PHC2: variants seen among roughly 807,000 people sequenced by gnomAD.
The protein encoded by PHC2 is polyhomeotic-like protein 2.
A neutral mutation model predicts 87.4 loss-of-function variants in PHC2; 29 were observed. The observed-to-expected ratio is 0.33, with a 90% confidence interval of 0.25 to 0.45. PHC2 has a LOEUF of 0.45. Ranked by LOEUF, PHC2 falls within the 20% of genes least tolerant of loss-of-function variation. The probability of loss-of-function intolerance (pLI) is 1.00; values close to 1 mark genes in which losing one functional copy is unlikely to be tolerated. For missense variants in PHC2, 857 were observed against 1,136.7 expected (o/e 0.75, Z 3.54); for synonymous variants, 438 against 461.7 (o/e 0.95, Z 0.66).
intron 1 of PHC2, among the ~76,000 whole-genome samples, chr1:33,388,319 T>TA (rs1648862990): frequency 2.3e-5 from 2 of 86,850 alleles, no homozygotes; most frequent in African/African-American, 6.5e-5. Context: ...ATGACAGCAA[T>TA]TTTTTTTTTT....
intron 1 of PHC2, among the ~76,000 whole-genome samples, chr1:33,377,357 C>A (rs960359480): frequency 2.0e-5 from 3 of 152,152 alleles, no homozygotes; most frequent in African/African-American, 7.2e-5. Flanking sequence ...GCAGAACCTT[C>A]TGGAATCTCC....
intron 4 of PHC2, 123 bp downstream of exon 4, chr1:33,370,894 T>A (rs1647785922): frequency 7.2e-6 from 6 of 827,688 alleles, no homozygotes; most frequent in Non-Finnish European, 8.3e-6. Context: ...TTCTTCCCGG[T>A]AAGGGCAATA....
At chr1:33,377,619 A>G (rs963237637) in intron 1 of PHC2, among the ~76,000 whole-genome samples, 7 of 151,936 alleles carry the variant, frequency 4.6e-5, no homozygotes, top group Admixed American at 2.0e-4. Context: ...TCCTTCCTAC[A>G]TGGAAAAATA....
In PHC2 at chr1:33,334,230, T is replaced by G; in HGVS notation, c.1621A>C (p.Asn541His). The G allele has an allele frequency of 6.2e-7, 1 of 1,612,666 alleles. No individual in the cohort carries two copies. Among genetic ancestry groups the G allele is most frequent in the Non-Finnish European group, 8.5e-7 (1 of 1,179,608 alleles). Residue 541 changes from asparagine to histidine, a missense_variant, in exon 10 of 15, where the codon AAC becomes CAC. Asn to His is a moderately conservative substitution (Grantham distance 68). This residue lies in a region of PHC2 where 832 missense variants were observed against 1,081.8 expected (regional missense o/e 0.77). Coordinates refer to ENST00000683057, the MANE Select transcript of PHC2 (RefSeq NM_001385109.1). This position sits in a 1 kb window ranked among gnomAD's most constrained non-coding sequence, Gnocchi z 5.5. ...DLSSPGMTSG[N>H]GNSASSIAGT... ...GCGATGCTGGAGGCAGAGTTTCCGT[T>G]CCCTGAGGTCATGCCGGGGCTGCTG...
In PHC2 at chr1:33,349,830, G is replaced by A. The variant is rs903553229; in HGVS notation, c.1558+4571C>T. On this transcript the variant is annotated intron_variant, in intron 9 of 14. Transcript: ENST00000683057. This position sits in a 1 kb window ranked among gnomAD's most constrained non-coding sequence, Gnocchi z 4.2. The stretch of plus-strand genomic sequence containing the variant: ...GGCGCGAGGCCGGGGCGGGAGCGCG[G>A]GCGGCGGCCGGGGTTGCGCGCGCGC... 20 of 976,240 alleles carry A rather than the reference G, an allele frequency of 2.0e-5. No homozygotes were observed. Among genetic ancestry groups the A allele is most frequent in the Non-Finnish European group, 2.2e-5 (18 of 824,624 alleles). The allele number at this position is 976,240 out of a possible 1,614,324, so 60.5% of individuals were successfully genotyped here.
At chr1:33,379,201 T>C (rs1047812008) in intron 1 of PHC2, among the ~76,000 whole-genome samples, 3 of 151,448 alleles carry the variant, frequency 2.0e-5, no homozygotes, top group African/African-American at 4.9e-5. Flanking sequence ...CACAGTGCAC[T>C]TCCCACACTC....
chr1:33,397,951 CT>C (rs1649361918), intron 1 of PHC2, among the ~76,000 whole-genome samples: 2 of 152,100 alleles, frequency 1.3e-5, no homozygotes, highest in Admixed American at 1.3e-4. Context: ...TCTTTTGAAT[CT>C]TTTGGACTTT....
At chr1:33,341,875 AG>A (rs1037610245) in intron 9 of PHC2, among the ~76,000 whole-genome samples, 13 of 152,352 alleles carry the variant, frequency 8.5e-5, no homozygotes, top group Admixed American at 7.8e-4. Flanking sequence ...ACCAGAAGGC[AG>A]GGGGAACATC....
At chr1:33,353,403 A>G (rs991341245) in intron 9 of PHC2, 1 of 152,224 alleles carries the variant, frequency 6.6e-6, no homozygotes, top group African/African-American at 2.4e-5. Flanking sequence ...GAGCAAATCT[A>G]CAGTGGAATG....
chr1:33,365,191 G>C (rs1427555791), intron 7 of PHC2, among the ~76,000 whole-genome samples: 2 of 152,138 alleles, frequency 1.3e-5, no homozygotes, highest in Non-Finnish European at 2.9e-5. Flanking sequence ...TCTGTAAAAT[G>C]GATAAAGACA....
In PHC2 at chr1:33,369,269, T is replaced by C. The variant is rs1244580524; in HGVS notation, c.577-647A>G. ...TCTCTGCATGACACCTCGACCTCCGTGGGAGTCTAGCTCTGCATCAGTGTG... is the reference window on the plus strand; with the variant it reads ...TCTCTGCATGACACCTCGACCTCCGCGGGAGTCTAGCTCTGCATCAGTGTG... On this transcript the variant is annotated intron_variant, in intron 5 of 14. Coordinates refer to ENST00000683057, the MANE Select transcript of PHC2 (RefSeq NM_001385109.1). The surrounding 1 kb of genome is among the most constrained non-coding windows in gnomAD (Gnocchi z 4.7). Among the ~76,000 whole-genome samples, 1 of 152,196 alleles carries C rather than the reference T, an allele frequency of 6.6e-6. No homozygotes were observed. The highest frequency in any genetic ancestry group is 1.5e-5 in the Non-Finnish European group (1 of 68,018).
intron 1 of PHC2, among the ~76,000 whole-genome samples, chr1:33,386,794 C>A (rs1205721268): frequency 6.6e-6 from 1 of 152,078 alleles, no homozygotes; most frequent in Non-Finnish European, 1.5e-5. Context: ...GCACACACAT[C>A]ACAGTGTGCG....
intron 9 of PHC2, among the ~76,000 whole-genome samples, chr1:33,338,098 C>T (rs903118125): frequency 1.3e-5 from 2 of 152,158 alleles, no homozygotes; most frequent in Admixed American, 6.5e-5. Flanking sequence ...GCTTGACTTC[C>T]CTGCCTCCAT....
intron 12 of PHC2, 140 bp from the exon 13 acceptor site, chr1:33,330,352 C>G (rs912119352): frequency 1.2e-6 from 1 of 867,768 alleles, no homozygotes; most frequent in Non-Finnish European, 1.8e-6. Flanking sequence ...TAACTACTAG[C>G]TGTGTGACTT....
chr1:33,401,604 T>C (rs1268721960), intron 1 of PHC2, among the ~76,000 whole-genome samples: 1 of 152,180 alleles, frequency 6.6e-6, no homozygotes, highest in Non-Finnish European at 1.5e-5. Context: ...AATCAGCAAA[T>C]ACTACAAATC....
In PHC2 at chr1:33,347,013, A is replaced by C. The variant is rs765932216; in HGVS notation, c.1558+7388T>G. ...ATTGTGTAAGATCATCCATCTACTTACTCCTCTTAACATGCCCTCTCCCCC... is the reference window on the plus strand; with the variant it reads ...ATTGTGTAAGATCATCCATCTACTTCCTCCTCTTAACATGCCCTCTCCCCC... On this transcript the variant is annotated intron_variant, in intron 9 of 14. Transcript: ENST00000683057. 9 of 985,390 alleles carry C rather than the reference A, an allele frequency of 9.1e-6. 1 individual carries two copies. The highest frequency in any genetic ancestry group is 9.6e-6 in the Non-Finnish European group (8 of 829,942). 61.0% of individuals were successfully genotyped at this position (985,390 alleles called of 1,614,324 possible).
chr1:33,400,204 A>G (rs1348818993), intron 1 of PHC2, among the ~76,000 whole-genome samples: 1 of 152,202 alleles, frequency 6.6e-6, no homozygotes, highest in African/African-American at 2.4e-5. Flanking sequence ...ATAATTTGGA[A>G]TATCTGTTTT....
chr1:33,385,735 C>T (rs558359710), intron 1 of PHC2, among the ~76,000 whole-genome samples: 1 of 152,202 alleles, frequency 6.6e-6, no homozygotes, highest in African/African-American at 2.4e-5. Context: ...CTATCCAAGC[C>T]AGTTATAGTC....
intron 9 of PHC2, among the ~76,000 whole-genome samples, chr1:33,353,956 C>A (rs770213581): frequency 6.6e-6 from 1 of 152,210 alleles, no homozygotes; most frequent in East Asian, 1.9e-4. Flanking sequence ...GTGAGCTGAA[C>A]TCATCTGAGT....
Sources: allele counts gnomAD v4.1 joint callset (sites outside exome capture counted in the v4.1 genomes callset), GRCh38; gene constraint gnomAD v4.1.1; regional missense constraint gnomAD v4.1.1; non-coding constraint Gnocchi (gnomAD v3.1); transcripts MANE v1.5; gene names NCBI Gene and HGNC (gene_info 2026-07-23, HGNC 2026-07-21).